DNM3: variants seen among roughly 807,000 people sequenced by gnomAD.
DNM3 encodes the protein dynamin 3, also known as dynamin-3.
DNM3 carries 47 observed loss-of-function variants against 101.6 expected under a neutral mutation model. The observed-to-expected ratio is 0.46, with a 90% CI of 0.37 to 0.59. The LOEUF (loss-of-function observed/expected upper bound fraction) is 0.59, where lower values mean the gene tolerates loss of function less well. DNM3 is among the 20% of genes least tolerant of loss of function. The pLI is 0.00. For synonymous variants in DNM3, 385 were observed against 387.9 expected, an observed-to-expected ratio of 0.99 and a Z score of 0.09; for missense variants, 849 against 1,085.7, an observed-to-expected ratio of 0.78 and a Z score of 3.06.
At position 172,212,247 on chromosome 1, in the gene DNM3, T is replaced by G. The variant is rs144137082; in HGVS notation, c.1660-41326T>G. ...TCTAATTCTTGATTTTGTAGCAGTTTCCATATTCTTGCTAGAAGCTGGAAA... is the reference window on the plus strand; with the variant it reads ...TCTAATTCTTGATTTTGTAGCAGTTGCCATATTCTTGCTAGAAGCTGGAAA... On this transcript the variant is annotated intron_variant, in intron 14 of 20. Coordinates refer to ENST00000627582, the MANE Select transcript of DNM3 (RefSeq NM_015569.5). 4.1e-3 allele frequency among the ~76,000 whole-genome samples: 620 copies of G among 152,266 alleles called. 6 individuals carry two copies. Among genetic ancestry groups the G allele is most frequent in the African/African-American group, 0.014 (591 of 41,560 alleles).
intron 2 of DNM3, among the ~76,000 whole-genome samples, chr1:171,935,307 C>T (rs1227798312): frequency 2.0e-5 from 3 of 152,074 alleles, no homozygotes; most frequent in Non-Finnish European, 2.9e-5. Context: ...AAGCCTTATT[C>T]GGTGTAATTT....
intron 20 of DNM3, among the ~76,000 whole-genome samples, chr1:172,389,420 G>A (rs971022822): frequency 3.3e-5 from 5 of 151,512 alleles, no homozygotes; most frequent in African/African-American, 4.9e-5. Context: ...TGAATAATAC[G>A]TGTTGACAAT....
chr1:171,988,834 G>C, intron 3 of DNM3, 111 bp from the exon 4 acceptor site: 2 of 879,050 alleles, frequency 2.3e-6, no homozygotes, highest in Non-Finnish European at 3.4e-6. Flanking sequence ...ACATGGGTTG[G>C]AGTTGTTCAG....
intron 11 of DNM3, among the ~76,000 whole-genome samples, chr1:172,080,634 G>A (rs944656323): frequency 3.3e-5 from 5 of 152,102 alleles, no homozygotes; most frequent in Admixed American, 6.5e-5. Flanking sequence ...GGGAGTGAAC[G>A]GTTCTGTCTT....
chr1:171,931,622 A>G (rs1168720996), intron 2 of DNM3, among the ~76,000 whole-genome samples: 1 of 152,180 alleles, frequency 6.6e-6, no homozygotes, highest in Admixed American at 6.5e-5. Flanking sequence ...ATTTGTTTTC[A>G]TGTATGCAGA....
intron 16 of DNM3, among the ~76,000 whole-genome samples, chr1:172,313,184 A>G (rs2065151999): frequency 6.6e-6 from 1 of 152,212 alleles, no homozygotes; most frequent in Non-Finnish European, 1.5e-5. Context: ...GTAAAATTTG[A>G]TATCATTAAA....
chr1:172,067,499 A>C (rs748030069), intron 10 of DNM3, among the ~76,000 whole-genome samples: 2 of 152,052 alleles, frequency 1.3e-5, no homozygotes, highest in Non-Finnish European at 2.9e-5. Context: ...CATACTCCTC[A>C]GTTTCTGCAC....
intron 2 of DNM3, among the ~76,000 whole-genome samples, chr1:171,939,504 G>T (rs2041674353): frequency 6.6e-6 from 1 of 152,060 alleles, no homozygotes; most frequent in Admixed American, 6.6e-5. Context: ...AGTTCCATTT[G>T]GTCCATGTAA....
chr1:171,932,226 C>T (rs921221074), intron 2 of DNM3, among the ~76,000 whole-genome samples: 3 of 151,216 alleles, frequency 2.0e-5, no homozygotes, highest in African/African-American at 7.3e-5. Flanking sequence ...AGTGTAACCT[C>T]CAACTCCTCA....
chr1:171,976,522 C>T (rs1229362593), intron 2 of DNM3, among the ~76,000 whole-genome samples: 1 of 152,120 alleles, frequency 6.6e-6, no homozygotes, highest in Non-Finnish European at 1.5e-5. Flanking sequence ...GAAAGACCCA[C>T]CTCCATGATT....
At chr1:172,233,228 T>A (rs1404205355) in intron 14 of DNM3, among the ~76,000 whole-genome samples, 1 of 152,032 alleles carries the variant, frequency 6.6e-6, no homozygotes, top group Non-Finnish European at 1.5e-5. Flanking sequence ...CCCACAGAAA[T>A]ACAAACTACC....
At chr1:172,158,779 GA>G (rs2058438903) in intron 14 of DNM3, among the ~76,000 whole-genome samples, 1 of 151,934 alleles carries the variant, frequency 6.6e-6, no homozygotes, top group African/African-American at 2.4e-5. Flanking sequence ...GTAAAATAGA[GA>G]AAAAGTTTTG....
At chr1:172,201,530 G>C (rs1380905059) in intron 14 of DNM3, among the ~76,000 whole-genome samples, 1 of 152,196 alleles carries the variant, frequency 6.6e-6, no homozygotes, top group African/African-American at 2.4e-5. Context: ...TCTGTGCTAT[G>C]GGCCCAAGCC....
At chr1:172,274,723 G>GTT (rs375210621) in intron 15 of DNM3, among the ~76,000 whole-genome samples, 11,667 of 116,906 alleles carry the variant, frequency 0.1, 683 homozygotes, top group African/African-American at 0.18. Flanking sequence ...TCTAGTGAAG[G>GTT]TTTTTTTTTT....
At chr1:172,325,404 AG>A (rs1206976416) in intron 17 of DNM3, among the ~76,000 whole-genome samples, 6 of 152,122 alleles carry the variant, frequency 3.9e-5, no homozygotes, top group African/African-American at 1.4e-4. Flanking sequence ...AGCACTTTGG[AG>A]GTGCTAGTAT....
chr1:171,964,695 G>A (rs933950025), intron 2 of DNM3, among the ~76,000 whole-genome samples: 1 of 152,088 alleles, frequency 6.6e-6, no homozygotes, highest in Admixed American at 6.6e-5. Flanking sequence ...AGAATACCTT[G>A]ATTCATGGTA....
intron 15 of DNM3, among the ~76,000 whole-genome samples, chr1:172,304,843 A>C (rs2064702679): frequency 6.6e-6 from 1 of 152,248 alleles, no homozygotes; most frequent in African/African-American, 2.4e-5. Flanking sequence ...ATGAGAACAA[A>C]GACACAACAT....
intron 14 of DNM3, among the ~76,000 whole-genome samples, chr1:172,171,525 G>A (rs776867075): frequency 6.6e-6 from 1 of 151,766 alleles, no homozygotes; most frequent in Admixed American, 6.6e-5. Context: ...AAATAGGTTA[G>A]CTGTGCATTT....
At position 171,931,209 on chromosome 1, in the gene DNM3, C is replaced by T. The variant is rs2040980053; in HGVS notation, c.235+9388C>T. Among the ~76,000 whole-genome samples the T allele has an allele frequency of 2.6e-5, 4 of 152,260 alleles. No individual in the cohort carries two copies. The South Asian group carries it at 8.3e-4, about 32-fold the overall frequency. On this transcript the variant is annotated intron_variant, in intron 2 of 20. Coordinates refer to ENST00000627582, the MANE Select transcript of DNM3 (RefSeq NM_015569.5). ...CATGCTCAATGACTGGAAGACGTAA[C>T]AGTGTTAAGATGGCAATGCCTTAAA... is the stretch of plus-strand genomic sequence containing the variant.
Sources: gnomAD v4.1 joint callset for allele counts (sites outside exome capture counted in the v4.1 genomes callset) on GRCh38, gnomAD v4.1.1 for gene constraint, MANE v1.5 for transcripts, NCBI Gene and HGNC (gene_info 2026-07-23, HGNC 2026-07-21) for gene names.